RNLS: variants seen among roughly 807,000 people sequenced by gnomAD.
RNLS encodes the protein renalase, FAD dependent amine oxidase.
In RNLS, 39 loss-of-function variants were observed where a neutral mutation model predicts 39.8. The ratio of observed to expected loss-of-function variants is 0.98; its 90% confidence interval spans 0.76 to 1.28. The LOEUF is 1.28. Ranked by LOEUF, RNLS falls within the 50% of genes most tolerant of loss-of-function variation. The probability of loss-of-function intolerance (pLI) is 0.00; values close to 1 mark genes in which losing one functional copy is unlikely to be tolerated. For synonymous variants in RNLS, 147 were observed against 150.7 expected (o/e 0.98, Z 0.18); for missense variants, 410 against 413.3 (o/e 0.99, Z 0.07).
intron 4 of RNLS, among the ~76,000 whole-genome samples, chr10:88,497,481 A>G (rs1392131874): frequency 6.6e-6 from 1 of 152,048 alleles, no homozygotes; most frequent in Non-Finnish European, 1.5e-5. Flanking sequence ...CAAAAGCTAA[A>G]AGGGGAGAGA....
intron 5 of RNLS, among the ~76,000 whole-genome samples, chr10:88,329,480 G>GT (rs145024113): frequency 2.6e-5 from 4 of 151,486 alleles, no homozygotes; most frequent in African/African-American, 7.3e-5. Context: ...AAGATTTGAG[G>GT]TTTTTTTTGG....
chr10:88,240,809 C>T, the RNLS span, among the ~76,000 whole-genome samples: 1 of 151,970 alleles, frequency 6.6e-6, no homozygotes, highest in African/African-American at 2.4e-5. Flanking sequence ...CTAATTTATT[C>T]TTCTCCATTT....
intron 4 of RNLS, among the ~76,000 whole-genome samples, chr10:88,550,915 G>C (rs149619082): frequency 1.8e-4 from 27 of 152,322 alleles, no homozygotes; most frequent in African/African-American, 5.8e-4. Flanking sequence ...ATTGGCATTT[G>C]CCCGAGGTAA....
At chr10:88,242,670 G>C in the RNLS span, among the ~76,000 whole-genome samples, 7 of 152,218 alleles carry the variant, frequency 4.6e-5, no homozygotes, top group African/African-American at 1.7e-4. Context: ...CATAAGGGAG[G>C]CTGGGCACGG....
chr10:88,339,305 A>G (rs1268713257), intron 5 of RNLS, among the ~76,000 whole-genome samples: 1 of 152,206 alleles, frequency 6.6e-6, no homozygotes, highest in Non-Finnish European at 1.5e-5. Context: ...GAATGCATAG[A>G]TTAGGTAGGA....
the RNLS span, among the ~76,000 whole-genome samples, chr10:88,256,905 C>G: frequency 0.013 from 1,906 of 152,216 alleles, 38 homozygotes; most frequent in African/African-American, 0.041. Context: ...TTAAAAACAA[C>G]AAAATTAAAA....
chr10:88,365,332 A>G (rs1849979897), intron 4 of RNLS, among the ~76,000 whole-genome samples: 1 of 151,918 alleles, frequency 6.6e-6, no homozygotes, highest in Admixed American at 6.6e-5. Context: ...CTAGTGCAAA[A>G]TACTAAAGAA....
At chr10:88,360,951 C>CT (rs1441386019) in intron 5 of RNLS, among the ~76,000 whole-genome samples, 1 of 152,190 alleles carries the variant, frequency 6.6e-6, no homozygotes, top group Non-Finnish European at 1.5e-5. Flanking sequence ...TCAACTCAGG[C>CT]TACCATAACA....
At chr10:88,337,096 G>C (rs1349111137) in intron 5 of RNLS, among the ~76,000 whole-genome samples, 1 of 152,126 alleles carries the variant, frequency 6.6e-6, no homozygotes, top group East Asian at 1.9e-4. Context: ...CTCACAAATT[G>C]ATTTTAATCT....
At chr10:88,403,654 TAGTGGGA>T (rs1564771387) in intron 4 of RNLS, among the ~76,000 whole-genome samples, 1 of 151,986 alleles carries the variant, frequency 6.6e-6, no homozygotes, top group Non-Finnish European at 1.5e-5. Context: ...AAAGACAATT[TAGTGGGA>T]AGGACCCATT....
At chr10:88,579,452 T>A (rs1484402454) in intron 3 of RNLS, among the ~76,000 whole-genome samples, 2 of 152,144 alleles carry the variant, frequency 1.3e-5, no homozygotes, top group African/African-American at 4.8e-5. Flanking sequence ...GAAAAGAGAT[T>A]CTATTTTCTA....
intron 6 of RNLS, among the ~76,000 whole-genome samples, chr10:88,308,408 C>T (rs1369282950): frequency 6.6e-6 from 1 of 151,062 alleles, no homozygotes; most frequent in African/African-American, 2.4e-5. Context: ...TAATATCCAG[C>T]AACTATAAGG....
At chr10:88,235,221 T>C in the RNLS span, among the ~76,000 whole-genome samples, 6 of 144,450 alleles carry the variant, frequency 4.2e-5, no homozygotes, top group Non-Finnish European at 8.9e-5. Flanking sequence ...TGAGCCGAGA[T>C]TGCGCCACTG....
rs1842750640 is a variant in RNLS, at chr10:88,274,743, T to C, written c.*218A>G. On this transcript the variant is annotated 3_prime_UTR_variant, in exon 7 of 7. Transcript: ENST00000371947. ...CTGCAGATCATACAGCAATTCTATATTTCATTTCTAAAGAAATTGCCGTAT... is the reference window on the plus strand; with the variant it reads ...CTGCAGATCATACAGCAATTCTATACTTCATTTCTAAAGAAATTGCCGTAT... The C allele has an allele frequency of 9.8e-6, 4 of 408,988 alleles. No homozygotes were observed. The Admixed American group carries it at 1.0e-4, about 11-fold the overall frequency. 25.3% of individuals were successfully genotyped at this position (408,988 alleles called of 1,614,324 possible). A position where few individuals can be genotyped will look rare whatever the true frequency, so the allele number is the denominator to read the frequency against.
At chr10:88,404,971 G>A (rs1325000270) in intron 4 of RNLS, among the ~76,000 whole-genome samples, 1 of 152,038 alleles carries the variant, frequency 6.6e-6, no homozygotes. Flanking sequence ...AAGATAAGCA[G>A]CTGTTTTAGT....
intron 4 of RNLS, among the ~76,000 whole-genome samples, chr10:88,453,416 C>A (rs935676623): frequency 6.6e-6 from 1 of 152,160 alleles, no homozygotes; most frequent in African/African-American, 2.4e-5. Context: ...ATTTAGGGAA[C>A]TTTAAGGAGT....
At chr10:88,574,174 T>C (rs576950035) in intron 3 of RNLS, among the ~76,000 whole-genome samples, 1 of 152,110 alleles carries the variant, frequency 6.6e-6, no homozygotes, top group Admixed American at 6.6e-5. Context: ...GAAAGTACAA[T>C]TGGGTCATTA....
intron 5 of RNLS, among the ~76,000 whole-genome samples, chr10:88,352,829 C>G (rs550983408): frequency 6.6e-6 from 1 of 152,240 alleles, no homozygotes; most frequent in Non-Finnish European, 1.5e-5. Context: ...CTGTCTGGTC[C>G]TCGACTTTTT....
At chr10:88,321,022 G>C (rs1846148015) in intron 5 of RNLS, among the ~76,000 whole-genome samples, 1 of 151,686 alleles carries the variant, frequency 6.6e-6, no homozygotes, top group African/African-American at 2.4e-5. Context: ...GCACAGAACA[G>C]TCTCTAAAAT....
Sources: gnomAD v4.1 joint callset for allele counts (sites outside exome capture counted in the v4.1 genomes callset) on GRCh38, gnomAD v4.1.1 for gene constraint, MANE v1.5 for transcripts, NCBI Gene and HGNC (gene_info 2026-07-23, HGNC 2026-07-21) for gene names.